The following PTPRD variants were observed in gnomAD, a reference collection of about 807,000 sequenced individuals.
PTPRD encodes the protein protein tyrosine phosphatase receptor type D, also known as receptor-type tyrosine-protein phosphatase delta.
A neutral mutation model predicts 214.5 loss-of-function variants in PTPRD; 34 were observed. That is an observed-to-expected ratio of 0.16 (90% confidence interval 0.12 to 0.21). PTPRD has a LOEUF of 0.21. Among genes scored for constraint, PTPRD ranks in the 10% least tolerant of loss-of-function variants. The pLI, the probability that PTPRD is intolerant of heterozygous loss-of-function variation, is 1.00. For missense variants in PTPRD, 2,545 were observed against 2,398.7 expected, an observed-to-expected ratio of 1.06 and a Z score of -1.27; for synonymous variants, 1,128 against 845.7, an observed-to-expected ratio of 1.33 and a Z score of -5.79.
In PTPRD at chr9:8,333,792, G is replaced by T. The variant is rs7856860; in HGVS notation, c.5380-2056C>A. Reference sequence around the variant, plus strand: ...TAAAGAGTAAAGACCCATCTCACACGCAGAGATACACATAGGCTCAACATA... The same window carrying T: ...TAAAGAGTAAAGACCCATCTCACACTCAGAGATACACATAGGCTCAACATA... On this transcript the variant is annotated intron_variant, in intron 43 of 45. Coordinates refer to ENST00000381196, the MANE Select transcript of PTPRD (RefSeq NM_002839.4). Among the ~76,000 whole-genome samples the T allele has an allele frequency of 2.0e-5, 3 of 151,696 alleles. No individual in the cohort carries two copies. In the East Asian group the frequency reaches 5.8e-4, roughly 30 times the overall value.
chr9:9,755,052 T>C (rs1346410326), intron 6 of PTPRD, among the ~76,000 whole-genome samples: 1 of 151,990 alleles, frequency 6.6e-6, no homozygotes, highest in Non-Finnish European at 1.5e-5. Flanking sequence ...GACCCCATTC[T>C]GGATTTAAGG....
intron 14 of PTPRD, among the ~76,000 whole-genome samples, chr9:8,606,710 T>A (rs1195471864): frequency 1.3e-5 from 2 of 152,230 alleles, no homozygotes; most frequent in African/African-American, 4.8e-5. Context: ...AACAGTCTTT[T>A]CATATTTTGT....
rs781629901 is a variant in PTPRD at position 8,436,617 on chromosome 9, T to C, written c.4061A>G (p.Asn1354Ser). 5.0e-6 allele frequency: 8 copies of C among 1,613,368 alleles called. No homozygotes were observed. The highest frequency in any genetic ancestry group is 4.5e-5 in the East Asian group (2 of 44,804). ...CTCATATTCCTGGGAAAACTTCAAGTTGTCATTTGCTTTCAATCTTTCAAT... is the reference window on the plus strand; with the variant it reads ...CTCATATTCCTGGGAAAACTTCAAGCTGTCATTTGCTTTCAATCTTTCAAT... ...DHIERLKAND[N>S]LKFSQEYESI... The change falls in exon 35 of 46, where the codon AAC becomes AGC. Residue 1354 changes from asparagine to serine, a missense_variant. Asn to Ser is a conservative substitution (Grantham distance 46). Transcript: ENST00000381196.
At chr9:10,278,245 G>A (rs960252377) in intron 3 of PTPRD, among the ~76,000 whole-genome samples, 4 of 152,152 alleles carry the variant, frequency 2.6e-5, no homozygotes, top group Non-Finnish European at 4.4e-5. Flanking sequence ...TAATGTTTGA[G>A]AAAATAATTA....
At chr9:9,243,545 G>A (rs2099971466) in intron 9 of PTPRD, among the ~76,000 whole-genome samples, 1 of 152,122 alleles carries the variant, frequency 6.6e-6, no homozygotes, top group Non-Finnish European at 1.5e-5. Context: ...AAAACCACAT[G>A]ATTATCTCAA....
intron 5 of PTPRD, among the ~76,000 whole-genome samples, chr9:9,899,274 T>C (rs10117851): frequency 0.22 from 32,865 of 151,670 alleles, 3,918 homozygotes; most frequent in African/African-American, 0.31. Flanking sequence ...GACTATGAAA[T>C]GGGAAAAAAG....
intron 2 of PTPRD, among the ~76,000 whole-genome samples, chr9:10,462,026 G>A (rs1007461360): frequency 3.3e-5 from 5 of 152,142 alleles, no homozygotes; most frequent in East Asian, 1.9e-4. Context: ...GCTATGAGGA[G>A]ATGTAGGTCA....
At chr9:10,246,756 C>G (rs1421680428) in intron 3 of PTPRD, among the ~76,000 whole-genome samples, 1 of 151,536 alleles carries the variant, frequency 6.6e-6, no homozygotes, top group South Asian at 2.1e-4. Flanking sequence ...GCTTATGTAT[C>G]TAGTAGTTGC....
intron 5 of PTPRD, among the ~76,000 whole-genome samples, chr9:9,855,616 C>G (rs1018300729): frequency 6.6e-6 from 1 of 152,264 alleles, no homozygotes; most frequent in Admixed American, 6.5e-5. Context: ...GTAAACAAAG[C>G]GGGAACTGGA....
chr9:8,510,921 G>A (rs911476511), intron 21 of PTPRD, among the ~76,000 whole-genome samples: 1 of 152,004 alleles, frequency 6.6e-6, no homozygotes, highest in African/African-American at 2.4e-5. Flanking sequence ...TGAGACATGG[G>A]ACTACTTTCA....
chr9:10,547,868 CATG>C (rs1418051695), intron 2 of PTPRD, among the ~76,000 whole-genome samples: 1 of 151,998 alleles, frequency 6.6e-6, no homozygotes, highest in Admixed American at 6.6e-5. Flanking sequence ...TGAGGAATAA[CATG>C]ATATTTGGTT....
intron 9 of PTPRD, among the ~76,000 whole-genome samples, chr9:9,189,982 C>T (rs751433420): frequency 1.3e-5 from 2 of 151,986 alleles, no homozygotes; most frequent in Non-Finnish European, 2.9e-5. Context: ...ATAATTTGCC[C>T]CTTCCTCGCT....
chr9:8,895,980 T>TA (rs1318457696), intron 11 of PTPRD, among the ~76,000 whole-genome samples: 2 of 152,192 alleles, frequency 1.3e-5, no homozygotes, highest in African/African-American at 2.4e-5. Flanking sequence ...TAAAAATCCT[T>TA]AAAAAATCAA....
At chr9:9,501,901 C>G (rs1168540989) in intron 8 of PTPRD, among the ~76,000 whole-genome samples, 2 of 151,722 alleles carry the variant, frequency 1.3e-5, no homozygotes, top group Non-Finnish European at 2.9e-5. Context: ...ACAGAGAAAA[C>G]TTGGTGGGAT....
At chr9:9,560,835 T>G (rs755579102) in intron 8 of PTPRD, among the ~76,000 whole-genome samples, 6 of 152,166 alleles carry the variant, frequency 3.9e-5, no homozygotes, top group Non-Finnish European at 5.9e-5. Flanking sequence ...CTTGGCTGCT[T>G]GAGCCAGCTG....
At chr9:10,184,318 G>A (rs1213242635) in intron 3 of PTPRD, among the ~76,000 whole-genome samples, 3 of 152,072 alleles carry the variant, frequency 2.0e-5, no homozygotes, top group Admixed American at 1.3e-4. Flanking sequence ...CCAGCTGCTC[G>A]GGAGGCTGAG....
intron 3 of PTPRD, among the ~76,000 whole-genome samples, chr9:10,125,783 C>G (rs903808257): frequency 6.6e-6 from 1 of 151,774 alleles, no homozygotes; most frequent in African/African-American, 2.4e-5. Flanking sequence ...CACCCATCTT[C>G]TTTTTAAAAA....
intron 3 of PTPRD, among the ~76,000 whole-genome samples, chr9:10,071,956 A>C (rs563556756): frequency 6.6e-6 from 1 of 152,040 alleles, no homozygotes; most frequent in East Asian, 1.9e-4. Context: ...TCTGTAAATG[A>C]AGAGATCCTG....
chr9:9,120,741 G>A (rs551606310), intron 10 of PTPRD, among the ~76,000 whole-genome samples: 53 of 152,158 alleles, frequency 3.5e-4, no homozygotes, highest in Non-Finnish European at 2.6e-4. Flanking sequence ...TTTCCTTCAG[G>A]TATTCTTTTA....
Sources: gnomAD v4.1 joint callset for allele counts (sites outside exome capture counted in the v4.1 genomes callset) on GRCh38, gnomAD v4.1.1 for gene constraint, MANE v1.5 for transcripts, NCBI Gene and HGNC (gene_info 2026-07-23, HGNC 2026-07-21) for gene names.